Variants in AGBL1 observed in about 807,000 individuals in gnomAD.
The protein encoded by AGBL1 is cytosolic carboxypeptidase 4.
Under a neutral mutation model 118.9 loss-of-function variants are expected in AGBL1, and 130 were observed. That is an observed-to-expected ratio of 1.09 (90% CI 0.95 to 1.26). AGBL1 has a LOEUF of 1.26. Among genes scored for constraint, AGBL1 ranks in the 50% most tolerant of loss-of-function variants. The pLI is 0.00. For missense variants in AGBL1, 1,584 were observed against 1,298.1 expected (o/e 1.22, Z -3.38); for synonymous variants, 555 against 478.9 (o/e 1.16, Z -2.08).
chr15:86,168,265 G>T (rs1324955247), intron 5 of AGBL1, among the ~76,000 whole-genome samples: 1 of 152,120 alleles, frequency 6.6e-6, no homozygotes, highest in Non-Finnish European at 1.5e-5. Context: ...GTCTGCTCAG[G>T]AATTAGCAAG....
At chr15:86,540,981 C>T (rs972489783) in intron 19 of AGBL1, among the ~76,000 whole-genome samples, 4 of 152,062 alleles carry the variant, frequency 2.6e-5, no homozygotes, top group African/African-American at 9.7e-5. Flanking sequence ...CTATTTTCTC[C>T]AGTTGAATTT....
Position 86,420,572 on chromosome 15 carries a change from C to G in AGBL1, c.2555+23026C>G, listed in dbSNP as rs140900706. ...ATGCCTCTTCTCCAAAACCTCACAACTCCTCACCAGCAAGGGAACAAAACT... is the reference window on the plus strand; with the variant it reads ...ATGCCTCTTCTCCAAAACCTCACAAGTCCTCACCAGCAAGGGAACAAAACT... On this transcript the variant is annotated intron_variant, in intron 18 of 22. Transcript: ENST00000614907. Among the ~76,000 whole-genome samples the G allele has an allele frequency of 3.2e-3, 481 of 152,270 alleles. 1 individual carries two copies. The highest frequency in any genetic ancestry group is 0.011 in the African/African-American group (454 of 41,554).
intron 15 of AGBL1, among the ~76,000 whole-genome samples, chr15:86,274,185 T>A (rs909641951): frequency 1.3e-5 from 2 of 152,200 alleles, no homozygotes; most frequent in Non-Finnish European, 2.9e-5. Flanking sequence ...AATTGTTACA[T>A]CTTTATGCTA....
intron 15 of AGBL1, among the ~76,000 whole-genome samples, chr15:86,278,868 A>C (rs1220922178): frequency 6.6e-6 from 1 of 152,244 alleles, no homozygotes; most frequent in African/African-American, 2.4e-5. Context: ...TGTTCTCTGA[A>C]GTATCAAAAT....
intron 23 of AGBL1, among the ~76,000 whole-genome samples, chr15:86,955,262 A>T (rs981888462): frequency 6.6e-6 from 1 of 152,126 alleles, no homozygotes; most frequent in African/African-American, 2.4e-5. Flanking sequence ...AAATTTTTTT[A>T]AAACTCCTAA....
At chr15:86,721,333 G>C (rs542353807) in intron 22 of AGBL1, among the ~76,000 whole-genome samples, 7 of 152,298 alleles carry the variant, frequency 4.6e-5, no homozygotes, top group African/African-American at 7.2e-5. Context: ...TGGGATGCAA[G>C]ACTGGTTCAA....
chr15:86,409,083 C>T (rs568135379), intron 18 of AGBL1, among the ~76,000 whole-genome samples: 2 of 152,248 alleles, frequency 1.3e-5, no homozygotes, highest in East Asian at 3.9e-4. Context: ...CCTTAAATTC[C>T]TGCCTGGCAA....
At chr15:86,825,865 AT>A (rs2079003871) in intron 22 of AGBL1, among the ~76,000 whole-genome samples, 1 of 150,862 alleles carries the variant, frequency 6.6e-6, no homozygotes. Flanking sequence ...CCTGGTAGAA[AT>A]GTGACAGATG....
chr15:87,006,858 A>T (rs1254114619), intron 24 of AGBL1, among the ~76,000 whole-genome samples: 1 of 152,134 alleles, frequency 6.6e-6, no homozygotes, highest in Non-Finnish European at 1.5e-5. Flanking sequence ...CTACAGCCTG[A>T]GAAGAATGGA....
At chr15:86,300,872 G>A (rs1430155796) in intron 17 of AGBL1, among the ~76,000 whole-genome samples, 1 of 152,196 alleles carries the variant, frequency 6.6e-6, no homozygotes, top group Admixed American at 6.5e-5. Flanking sequence ...GCTGTTCTCA[G>A]AAAAAAGATT....
chr15:86,984,376 T>TTTC (rs1411474264), intron 23 of AGBL1, among the ~76,000 whole-genome samples: 1 of 149,984 alleles, frequency 6.7e-6, no homozygotes, highest in Non-Finnish European at 1.5e-5. Flanking sequence ...TTTTTTTTTT[T>TTTC]TTCCTGGAGA....
chr15:86,940,089 G>C (rs986674794), intron 23 of AGBL1, among the ~76,000 whole-genome samples: 11 of 40,730 alleles, frequency 2.7e-4, no homozygotes, highest in Admixed American at 2.8e-4. Context: ...TTTTTTTTTT[G>C]GTAGAGACGG....
At chr15:86,081,041 T>G (rs553414141) in intron 1 of AGBL1, among the ~76,000 whole-genome samples, 41 of 152,230 alleles carry the variant, frequency 2.7e-4, no homozygotes, top group African/African-American at 9.9e-4. Context: ...TTCCTCTGAT[T>G]GTTTTTGTTT....
intron 5 of AGBL1, among the ~76,000 whole-genome samples, chr15:86,224,523 T>G (rs1017393743): frequency 5.3e-5 from 8 of 152,064 alleles, no homozygotes; most frequent in Non-Finnish European, 8.8e-5. Context: ...CAAGCCCCAC[T>G]CCTTCCCAGA....
chr15:86,557,126 G>C (rs1360513159), intron 21 of AGBL1, among the ~76,000 whole-genome samples: 9 of 152,140 alleles, frequency 5.9e-5, no homozygotes, highest in South Asian at 2.1e-4. Context: ...CTGTTGCTAG[G>C]TCATACACTT....
At chr15:86,424,389 A>C (rs958995166) in intron 18 of AGBL1, among the ~76,000 whole-genome samples, 1 of 152,226 alleles carries the variant, frequency 6.6e-6, no homozygotes, top group East Asian at 1.9e-4. Context: ...AAATTAACTC[A>C]AGGTGGATTA....
chr15:86,499,670 T>C (rs2082896237), intron 18 of AGBL1, among the ~76,000 whole-genome samples: 1 of 151,876 alleles, frequency 6.6e-6, no homozygotes, highest in African/African-American at 2.4e-5. Flanking sequence ...ACTGGTCCCA[T>C]AGAATGAGGT....
intron 23 of AGBL1, among the ~76,000 whole-genome samples, chr15:86,969,076 T>C (rs970249726): frequency 6.6e-6 from 1 of 151,970 alleles, no homozygotes; most frequent in Admixed American, 6.6e-5. Context: ...CCAAAATTTA[T>C]GTCCTTCTCA....
intron 18 of AGBL1, among the ~76,000 whole-genome samples, chr15:86,425,083 G>T (rs535806065): frequency 6.6e-6 from 1 of 152,064 alleles, no homozygotes; most frequent in Admixed American, 6.6e-5. Context: ...ATAAAGACAC[G>T]TGCACACATA....
Sources: allele counts gnomAD v4.1 joint callset (sites outside exome capture counted in the v4.1 genomes callset), GRCh38; gene constraint gnomAD v4.1.1; transcripts MANE v1.5; gene names NCBI Gene and HGNC (gene_info 2026-07-23, HGNC 2026-07-21).